ZNF585A: variants seen among roughly 807,000 people sequenced by gnomAD.
The protein encoded by ZNF585A is zinc finger protein 585A.
In ZNF585A, 9 loss-of-function variants were observed where a neutral mutation model predicts 14.9. That is an observed-to-expected ratio of 0.60 (90% CI 0.36 to 1.05). The LOEUF (loss-of-function observed/expected upper bound fraction) is 1.05, where lower values mean the gene tolerates loss of function less well. ZNF585A is among the 50% of genes least tolerant of loss of function. The pLI, the probability that ZNF585A is intolerant of heterozygous loss-of-function variation, is 0.01. For missense variants in ZNF585A, 726 were observed against 926.4 expected (o/e 0.78, Z 2.81); for synonymous variants, 276 against 319.9 (o/e 0.86, Z 1.46).
At chr19:37,167,582 C>CGTTTTA (rs1385730735) in intron 2 of ZNF585A, among the ~76,000 whole-genome samples, 2 of 145,676 alleles carry the variant, frequency 1.4e-5, no homozygotes, top group African/African-American at 5.3e-5. Context: ...GAGCCTTTTA[C>CGTTTTA]TTTTTATTTT....
chr19:37,159,585 C>T (rs894224092), intron 2 of ZNF585A, among the ~76,000 whole-genome samples: 1 of 152,124 alleles, frequency 6.6e-6, no homozygotes, highest in African/African-American at 2.4e-5. Flanking sequence ...CTGCAACAAA[C>T]AACAGCAGAA....
Position 37,151,619 on chromosome 19 carries a change from C to T in ZNF585A, c.2280G>A (p.Val760=). 6.2e-7 allele frequency: 1 copy of T among 1,613,854 alleles called. No individual in the cohort carries two copies. The highest frequency in any genetic ancestry group is 2.2e-5 in the East Asian group (1 of 44,884). ...ICGKGFVQKS[V]FSVHQSSHA is the part of the protein sequence containing the mutation. ...CGTGGCTGCTCTGATGGACGCTGAA[C>T]ACTGATTTCTGAACGAAGCCTTTCC... Residue 760 remains valine, a synonymous_variant, in exon 5 of 5, where the codon GTG becomes GTA. Transcript: ENST00000292841.
At chr19:37,155,221 C>T (rs1971907000) in intron 4 of ZNF585A, among the ~76,000 whole-genome samples, 2 of 151,880 alleles carry the variant, frequency 1.3e-5, no homozygotes, top group Admixed American at 1.3e-4. Context: ...ATCTCCTGAC[C>T]TCATGATCTG....
chr19:37,166,148 G>A (rs1972087461), intron 2 of ZNF585A, among the ~76,000 whole-genome samples: 1 of 151,630 alleles, frequency 6.6e-6, no homozygotes, highest in Admixed American at 6.6e-5. Context: ...CAAGTACCTG[G>A]GATTACAGAC....
chr19:37,152,032 C>T lies in ZNF585A; in HGVS notation c.1867G>A (p.Val623Met). Residue 623 changes from valine (V) to methionine (M), a missense_variant, in exon 5 of 5, where the codon GTG becomes ATG. Physicochemically the swap from Val to Met is conservative, Grantham distance 21. This residue lies in a region of ZNF585A where 243 missense variants were observed against 383.6 expected (regional missense o/e 0.63). Transcript: ENST00000292841. Reference sequence around the variant, plus strand: ...TCTCCTGTGTGAACTGGCTGATGCACCAGGAGCTGAGACTTGGAGGTAAAG... The same window carrying T: ...TCTCCTGTGTGAACTGGCTGATGCATCAGGAGCTGAGACTTGGAGGTAAAG... ...KSFTSKSQLL[V>M]HQPVHTGEKP... is the part of the protein sequence containing the mutation. 3 of 1,612,278 alleles carry T rather than the reference C, an allele frequency of 1.9e-6. No individual in the cohort carries two copies. Among genetic ancestry groups the T allele is most frequent in the Non-Finnish European group, 2.5e-6 (3 of 1,179,196 alleles).
intron 2 of ZNF585A, among the ~76,000 whole-genome samples, chr19:37,158,886 C>T (rs966445427): frequency 1.3e-5 from 2 of 152,066 alleles, no homozygotes; most frequent in African/African-American, 4.8e-5. Context: ...TTACACAAAA[C>T]ATGGTGTTTG....
At position 37,156,343 on chromosome 19, in the gene ZNF585A, A is replaced by G; in HGVS notation, c.85T>C (p.Phe29Leu). 1 of 1,614,168 alleles carries G rather than the reference A, an allele frequency of 6.2e-7. No individual in the cohort carries two copies. Among genetic ancestry groups the G allele is most frequent in the South Asian group, 1.1e-5 (1 of 91,084 alleles). The change falls in exon 3 of 5, where the codon TTC becomes CTC. Residue 29 changes from phenylalanine to leucine, a missense_variant. Phe to Leu is a conservative substitution (Grantham distance 22). Coordinates refer to ENST00000292841, the MANE Select transcript of ZNF585A (RefSeq NM_001288800.2). ...CTGAAATCGATAGCCACATCCCTGA[A>G]GGACACTGATCCCTGTAAGGGCAAA... ...HGSSYEGSVS[F>L]RDVAIDFSRE... is the part of the protein sequence containing the mutation.
At chr19:37,163,931 A>G (rs2145411754) in intron 2 of ZNF585A, among the ~76,000 whole-genome samples, 1 of 152,320 alleles carries the variant, frequency 6.6e-6, no homozygotes, top group Middle Eastern at 3.4e-3. Flanking sequence ...CCAAAGGATG[A>G]CATTAAAAAG....
intron 1 of ZNF585A, among the ~76,000 whole-genome samples, chr19:37,171,551 G>C (rs1422192503): frequency 6.6e-6 from 1 of 152,084 alleles, no homozygotes; most frequent in African/African-American, 2.4e-5. Flanking sequence ...ATAAATTGTT[G>C]GTATAAGCTT....
At chr19:37,162,504 A>G (rs112290521) in intron 2 of ZNF585A, among the ~76,000 whole-genome samples, 1,538 of 152,322 alleles carry the variant, frequency 0.01, 26 homozygotes, top group African/African-American at 0.035. Context: ...AAATCATTGT[A>G]TTATAAAGAC....
At chr19:37,160,386 A>ATAAATAAC (rs1401107521) in intron 2 of ZNF585A, among the ~76,000 whole-genome samples, 30 of 148,970 alleles carry the variant, frequency 2.0e-4, no homozygotes, top group African/African-American at 6.7e-4. Context: ...AAATAAATAA[A>ATAAATAAC]TAACTAGAAA....
At chr19:37,154,997 C>CTT (rs756330115) in intron 4 of ZNF585A, among the ~76,000 whole-genome samples, 64 of 113,604 alleles carry the variant, frequency 5.6e-4, no homozygotes, top group African/African-American at 6.7e-4. Context: ...AAAGAAAGAT[C>CTT]TTTTTTTTTT....
At position 37,153,434 on chromosome 19, in the gene ZNF585A, TTC is replaced by T; in HGVS notation, c.463_464del (p.Glu155LysfsTer7). 6.2e-7 allele frequency: 1 copy of T among 1,614,224 alleles called. No homozygotes were observed. The highest frequency in any genetic ancestry group is 8.5e-7 in the Non-Finnish European group (1 of 1,180,034). On this transcript the variant is annotated frameshift_variant, in exon 5 of 5. Coordinates refer to ENST00000292841, the MANE Select transcript of ZNF585A (RefSeq NM_001288800.2). LOFTEE classifies it low-confidence loss of function (END_TRUNC). The part of the protein sequence containing the change: ...LKVHLKVLAG[E>X]KLYVCIECGK... ...CACATTCAATGCATACATAGAGCTT[TTC>T]TCCTGCAAGAACTTTCAGGTGTACT...
In ZNF585A at chr19:37,150,081, GT is replaced by G. The variant is rs1156778952; in HGVS notation, c.*1507del. 6.6e-6 allele frequency: 1 copy of G among 150,938 alleles called. No homozygotes were observed. The highest frequency in any genetic ancestry group is 2.5e-5 in the African/African-American group (1 of 40,728). 9.3% of individuals were successfully genotyped at this position (150,938 alleles called of 1,614,324 possible). ...ATGGGCATCAACAGACATTGGGCTA[GT>G]TTTTGTTTTTTTTTTTTTTAACTGG... On this transcript the variant is annotated 3_prime_UTR_variant, in exon 5 of 5. Coordinates refer to ENST00000292841, the MANE Select transcript of ZNF585A (RefSeq NM_001288800.2).
Position 37,170,023 on chromosome 19 carries a change from G to A in ZNF585A, c.-113C>T. 2 of 1,300,020 alleles carry A rather than the reference G, an allele frequency of 1.5e-6. No homozygotes were observed. The highest frequency in any genetic ancestry group is 2.1e-6 in the Non-Finnish European group (2 of 946,936). The allele number at this position is 1,300,020 out of a possible 1,614,324, so 80.5% of individuals were successfully genotyped here. On this transcript the variant is annotated 5_prime_UTR_variant, in exon 2 of 5. Coordinates refer to ENST00000292841, the MANE Select transcript of ZNF585A (RefSeq NM_001288800.2). ...TGGGCTGGAGTCTAGAGGAAAATCT[G>A]GCCCAGGGGCTCCCCAGAGACACCC...
At chr19:37,164,422 T>C (rs1203934544) in intron 2 of ZNF585A, among the ~76,000 whole-genome samples, 1 of 150,462 alleles carries the variant, frequency 6.6e-6, no homozygotes, top group South Asian at 2.1e-4. Context: ...AAAAAAGAAC[T>C]ATAGGAAAAT....
chr19:37,156,556 T>C (rs933844314), intron 2 of ZNF585A, among the ~76,000 whole-genome samples: 3 of 152,234 alleles, frequency 2.0e-5, no homozygotes, highest in African/African-American at 7.2e-5. Context: ...AAGAAATGTA[T>C]ACCTACCACC....
chr19:37,163,329 T>C (rs918097010), intron 2 of ZNF585A, among the ~76,000 whole-genome samples: 6 of 151,084 alleles, frequency 4.0e-5, no homozygotes, highest in African/African-American at 7.3e-5. Context: ...GAAGAAATCA[T>C]AACCTCCATG....
rs1172836402 is a variant in ZNF585A, at chr19:37,148,058, A to T, written c.*3531T>A. 1 of 152,220 alleles carries T rather than the reference A, an allele frequency of 6.6e-6. No homozygotes were observed. Among genetic ancestry groups the T allele is most frequent in the Non-Finnish European group, 1.5e-5 (1 of 68,044 alleles). 9.4% of individuals were successfully genotyped at this position (152,220 alleles called of 1,614,324 possible). A position where few individuals can be genotyped will look rare whatever the true frequency, so the allele number is the denominator to read the frequency against. On this transcript the variant is annotated 3_prime_UTR_variant, in exon 5 of 5. Coordinates refer to ENST00000292841, the MANE Select transcript of ZNF585A (RefSeq NM_001288800.2). ...CCTAAGTGTGGAGTTGCTGAGTCAT[A>T]TGATAAATGTATGGTTAATAGTATA...
Sources: allele counts gnomAD v4.1 joint callset (sites outside exome capture counted in the v4.1 genomes callset), GRCh38; gene constraint gnomAD v4.1.1; regional missense constraint gnomAD v4.1.1; transcripts MANE v1.5; gene names NCBI Gene and HGNC (gene_info 2026-07-23, HGNC 2026-07-21).